SMO: variants seen among roughly 807,000 people sequenced by gnomAD.
SMO encodes smoothened, frizzled class receptor, also known as protein smoothened.
A neutral mutation model predicts 81.6 loss-of-function variants in SMO; 40 were observed. The ratio of observed to expected loss-of-function variants is 0.49; its 90% CI spans 0.38 to 0.64. The LOEUF is 0.64. Ranked by LOEUF, SMO falls within the 30% of genes least tolerant of loss-of-function variation. The pLI, the probability that SMO is intolerant of heterozygous loss-of-function variation, is 0.00. For synonymous variants in SMO, 434 were observed against 432.1 expected (o/e 1.00, Z -0.05); for missense variants, 916 against 1,061.1 (o/e 0.86, Z 1.90).
rs2150657171 is a variant in SMO at position 129,212,356 on chromosome 7, G to C, written c.2269G>C (p.Ala757Pro). ...TCTGCCCAGTGCACCGGCCCCCGTG[G>C]CATGGGCTCATGGCCGCCGACAGGG... ...PFLPSAPAPV[A>P]WAHGRRQGLG... The change falls in exon 12 of 12, where the codon GCA becomes CCA. Residue 757 changes from alanine to proline, a missense_variant. By Grantham distance (27) the Ala-to-Pro change is conservative. Transcript: ENST00000249373. The surrounding 1 kb of genome is among the most constrained non-coding windows in gnomAD (Gnocchi z 5.0). The C allele has an allele frequency of 6.2e-7, 1 of 1,614,132 alleles. No homozygotes were observed. Among genetic ancestry groups the C allele is most frequent in the South Asian group, 1.1e-5 (1 of 91,090 alleles).
chr7:129,205,613 A>G lies in SMO; in HGVS notation c.751A>G (p.Thr251Ala). 6.2e-7 allele frequency: 1 copy of G among 1,613,376 alleles called. No individual in the cohort carries two copies. The highest frequency in any genetic ancestry group is 8.5e-7 in the Non-Finnish European group (1 of 1,179,320). Reference sequence around the variant, plus strand: ...ATGGCCCACTTCTCTCTTCTAGGCCACATTCGTGGCTGACTGGCGGAACTC... The same window carrying G: ...ATGGCCCACTTCTCTCTTCTAGGCCGCATTCGTGGCTGACTGGCGGAACTC... ...TGLCTLFTLA[T>A]FVADWRNSNR... Residue 251 changes from threonine to alanine, a missense_variant, in exon 4 of 12, where the codon ACA becomes GCA. Physicochemically the swap from Thr to Ala is moderately conservative, Grantham distance 58. Around this residue, in one of 4 missense-constraint regions of SMO, gnomAD observed 436 missense variants for 570.9 expected, o/e 0.76. Transcript: ENST00000249373.
In SMO at chr7:129,188,694, G is replaced by C. The variant is rs556077125; in HGVS notation, c.-458G>C. On this transcript the variant is annotated 5_prime_UTR_variant, in exon 1 of 12. Transcript: ENST00000249373. This position sits in a 1 kb window ranked among gnomAD's most constrained non-coding sequence, Gnocchi z 4.9. ...GCCGGGTCGCCGGCGGGGAGAGTTC[G>C]GGGGGCTGCGGCGCGCTGGGGCGAA... Among the ~76,000 whole-genome samples the C allele has an allele frequency of 9.7e-4, 148 of 152,182 alleles. 3 individuals carry two copies. Among genetic ancestry groups the C allele is most frequent in the Admixed American group, 8.0e-3 (122 of 15,306 alleles).
In SMO at chr7:129,208,843, T is replaced by G; in HGVS notation, c.1349T>G (p.Leu450Arg). 1 of 1,612,898 alleles carries G rather than the reference T, an allele frequency of 6.2e-7. No homozygotes were observed. Among genetic ancestry groups the G allele is most frequent in the Non-Finnish European group, 8.5e-7 (1 of 1,179,134 alleles). ...GCCAGCAAGATCAACGAGACCATGC[T>G]GCGCCTGGGTGAGTGGCCCCGGGGG... ...KAASKINETM[L>R]RLGIFGFLAF... Residue 450 changes from leucine (L) to arginine (R), a missense_variant, in exon 7 of 12, where the codon CTG becomes CGG. Leu to Arg is a moderately radical substitution (Grantham distance 102). Coordinates refer to ENST00000249373, the MANE Select transcript of SMO (RefSeq NM_005631.5). The surrounding 1 kb of genome is among the most constrained non-coding windows in gnomAD (Gnocchi z 5.2).
Position 129,188,820 on chromosome 7 carries a change from T to G in SMO, c.-332T>G. The G allele has an allele frequency of 4.5e-6, 1 of 222,200 alleles. No individual in the cohort carries two copies. The highest frequency in any genetic ancestry group is 9.0e-6 in the Non-Finnish European group (1 of 111,616). The allele number at this position is 222,200 out of a possible 1,614,324, so 13.8% of individuals were successfully genotyped here. On this transcript the variant is annotated 5_prime_UTR_variant, in exon 1 of 12. Coordinates refer to ENST00000249373, the MANE Select transcript of SMO (RefSeq NM_005631.5). The surrounding 1 kb of genome is among the most constrained non-coding windows in gnomAD (Gnocchi z 4.9). ...CCCTCGCGGGGCGGGGAGGTGGCTTTAATGGTGGGAGAGGGAATGGGGCTG... is the reference window on the plus strand; with the variant it reads ...CCCTCGCGGGGCGGGGAGGTGGCTTGAATGGTGGGAGAGGGAATGGGGCTG...
At chr7:129,209,442 A>C in intron 8 of SMO, 45 bp downstream of exon 8, 1 of 1,349,326 alleles carries the variant, frequency 7.4e-7, no homozygotes, top group Non-Finnish European at 1.1e-6. Flanking sequence ...GCTGGAGCCA[A>C]GGCCATAAAG....
At position 129,210,474 on chromosome 7, in the gene SMO, T is replaced by A. The variant is rs760245355; in HGVS notation, c.1578T>A (p.Phe526Leu). The A allele has an allele frequency of 6.2e-7, 1 of 1,614,130 alleles. No individual in the cohort carries two copies. The highest frequency in any genetic ancestry group is 8.5e-7 in the Non-Finnish European group (1 of 1,179,962). ...LVEKINLFAM[F>L]GTGIAMSTWV... is the part of the protein sequence containing the mutation. ...AGAAGATCAACCTGTTTGCCATGTT[T>A]GGAACTGGCATCGCCATGAGCACCT... is the stretch of plus-strand genomic sequence containing the variant. The change falls in exon 9 of 12, where the codon TTT becomes TTA. Residue 526 changes from phenylalanine to leucine, a missense_variant. Phe to Leu is a conservative substitution (Grantham distance 22). Transcript: ENST00000249373. The surrounding 1 kb of genome is among the most constrained non-coding windows in gnomAD (Gnocchi z 4.7).
At position 129,193,785 on chromosome 7, in the gene SMO, A is replaced by AATATATATATATATAT; in HGVS notation, c.331+4320_331+4335dup. On this transcript the variant is annotated intron_variant, in intron 1 of 11. Coordinates refer to ENST00000249373, the MANE Select transcript of SMO (RefSeq NM_005631.5). ...AAAAAAAAAAAAAAAAAAAAAAAAAAATATATATATATATATATATATATA... is the reference window on the plus strand; with the variant it reads ...AAAAAAAAAAAAAAAAAAAAAAAAAAATATATATATATATATATATATATATATATATATATATATA... Among the ~76,000 whole-genome samples the AATATATATATATATAT allele has an allele frequency of 4.2e-4, 11 of 26,354 alleles. 1 individual carries two copies. The highest frequency in any genetic ancestry group is 1.6e-3 in the Admixed American group (2 of 1,282). The allele number at this position is 26,354 out of a possible 152,430, so 17.3% of individuals were successfully genotyped here.
At chr7:129,194,015 G>C (rs142652343) in intron 1 of SMO, among the ~76,000 whole-genome samples, 1 of 150,192 alleles carries the variant, frequency 6.7e-6, no homozygotes. Flanking sequence ...CAAAAGGATC[G>C]CTTGAACCCA....
intron 2 of SMO, among the ~76,000 whole-genome samples, chr7:129,203,903 T>C (rs1166985968): frequency 1.3e-5 from 2 of 151,536 alleles, no homozygotes; most frequent in African/African-American, 4.9e-5. Flanking sequence ...ATGTTGGGAG[T>C]TAAGGCGCGA....
Position 129,208,859 on chromosome 7 carries a change from G to A in SMO, c.1357+8G>A. On this transcript the variant is annotated splice_region_variant and intron_variant, in intron 7 of 11. Coordinates refer to ENST00000249373, the MANE Select transcript of SMO (RefSeq NM_005631.5). The surrounding 1 kb of genome is among the most constrained non-coding windows in gnomAD (Gnocchi z 5.2). ...AGACCATGCTGCGCCTGGGTGAGTG[G>A]CCCCGGGGGACTTCGGTCTGAGGTC... is the stretch of plus-strand genomic sequence containing the variant. 1.9e-6 allele frequency: 3 copies of A among 1,607,180 alleles called. No homozygotes were observed. Among genetic ancestry groups the A allele is most frequent in the Non-Finnish European group, 8.5e-7 (1 of 1,174,536 alleles).
intron 4 of SMO, 77 bp downstream of exon 4, chr7:129,205,859 T>A: frequency 7.0e-7 from 1 of 1,429,316 alleles, no homozygotes; most frequent in Non-Finnish European, 9.6e-7. Context: ...AGGGAGCAGG[T>A]GCGTGTAAAA....
chr7:129,203,319 G>C (rs1793699584), intron 1 of SMO, 65 bp from the exon 2 acceptor site: 1 of 1,254,756 alleles, frequency 8.0e-7, no homozygotes, highest in Admixed American at 2.0e-5. Flanking sequence ...GAGGACAGGG[G>C]TGAAGCTGCG....
chr7:129,189,625 T>C lies in SMO; in HGVS notation c.331+143T>C, dbSNP rs994008867. The C allele has an allele frequency of 3.4e-5, 31 of 911,722 alleles. No individual in the cohort carries two copies. Among genetic ancestry groups the C allele is most frequent in the Non-Finnish European group, 5.0e-5 (31 of 619,112 alleles). 56.5% of individuals were successfully genotyped at this position (911,722 alleles called of 1,614,324 possible). On this transcript the variant is annotated intron_variant, in intron 1 of 11. Coordinates refer to ENST00000249373, the MANE Select transcript of SMO (RefSeq NM_005631.5). The surrounding 1 kb of genome is among the most constrained non-coding windows in gnomAD (Gnocchi z 4.7). ...AGTTGGAGGGACAGATCCCGAAACT[T>C]TGGGGGCAGGTTACGTGCAGGATGG...
intron 1 of SMO, among the ~76,000 whole-genome samples, chr7:129,201,907 C>G (rs1398298455): frequency 6.6e-6 from 1 of 152,118 alleles, no homozygotes; most frequent in Non-Finnish European, 1.5e-5. Context: ...TCTTGAACTC[C>G]TAGCCTCAGG....
In SMO at chr7:129,206,510, A is replaced by C. The variant is rs1203228554; in HGVS notation, c.1187A>C (p.Asn396Thr). 1.2e-6 allele frequency: 2 copies of C among 1,614,170 alleles called. No individual in the cohort carries two copies. The highest frequency in any genetic ancestry group is 1.7e-6 in the Non-Finnish European group (2 of 1,180,018). ...GGGATTTGTTTTGTGGGCTACAAGA[A>C]CTACCGATACCGTGCGGGCTTCGTG... ...VSGICFVGYK[N>T]YRYRAGFVLA... Residue 396 changes from asparagine (N) to threonine (T), a missense_variant, in exon 6 of 12, where the codon AAC becomes ACC. Physicochemically the swap from Asn to Thr is moderately conservative, Grantham distance 65. This residue lies in a region of SMO where 436 missense variants were observed against 570.9 expected (regional missense o/e 0.76). Transcript: ENST00000249373. This position sits in a 1 kb window ranked among gnomAD's most constrained non-coding sequence, Gnocchi z 4.4.
In SMO at chr7:129,210,539, C is replaced by G. The variant is rs1226100694; in HGVS notation, c.1643C>G (p.Thr548Ser). 1 of 1,613,508 alleles carries G rather than the reference C, an allele frequency of 6.2e-7. No individual in the cohort carries two copies. The highest frequency in any genetic ancestry group is 1.1e-5 in the South Asian group (1 of 91,066). Residue 548 changes from threonine (T) to serine (S), a missense_variant, in exon 9 of 12, where the codon ACC becomes AGC. Coordinates refer to ENST00000249373, the MANE Select transcript of SMO (RefSeq NM_005631.5). The surrounding 1 kb of genome is among the most constrained non-coding windows in gnomAD (Gnocchi z 4.7). ...GCCACGCTGCTCATCTGGAGGCGTA[C>G]CTGGTGCAGGTGGGCATGGCAGCCA... ...TKATLLIWRR[T>S]WCRLTGQSDD...
chr7:129,205,248 G>A lies in SMO; in HGVS notation c.583G>A (p.Val195Met), dbSNP rs138284001. The change falls in exon 3 of 12, where the codon GTG becomes ATG. Residue 195 changes from valine to methionine, a missense_variant. Physicochemically the swap from Val to Met is conservative, Grantham distance 21. This residue lies in a region of SMO where 436 missense variants were observed against 570.9 expected (regional missense o/e 0.76). Transcript: ENST00000249373. ...IKFNSSGQCE[V>M]PLVRTDNPKS... The stretch of plus-strand genomic sequence containing the variant: ...GTTCAACAGTTCAGGCCAGTGCGAA[G>A]TGCCCTTGGTTCGGACAGACAACCC... 4.0e-5 allele frequency: 65 copies of A among 1,614,236 alleles called. No homozygotes were observed. The African/African-American group carries it at 7.9e-4, about 20-fold the overall frequency.
At chr7:129,195,728 A>G (rs1385864102) in intron 1 of SMO, among the ~76,000 whole-genome samples, 5 of 152,190 alleles carry the variant, frequency 3.3e-5, no homozygotes, top group African/African-American at 1.2e-4. Flanking sequence ...AAGTGATTAT[A>G]AGCATTGACA....
rs114406835 is a variant in SMO, at chr7:129,211,081, G to C, written c.1769G>C (p.Ser590Thr). ...LQNPGQELSFSMHTVSHDGPV... is the reference protein window; with the variant it reads ...LQNPGQELSFTMHTVSHDGPV... ...AACCCAGGCCAGGAGCTGTCCTTCAGCATGCACACTGTGTCCCACGACGGG... is the reference window on the plus strand; with the variant it reads ...AACCCAGGCCAGGAGCTGTCCTTCACCATGCACACTGTGTCCCACGACGGG... The change falls in exon 10 of 12, where the codon AGC (serine) becomes ACC (threonine). Residue 590 changes from serine to threonine, a missense_variant. Physicochemically the swap from Ser to Thr is moderately conservative, Grantham distance 58. This residue lies in a region of SMO where 324 missense variants were observed against 312.9 expected (regional missense o/e 1.04). Coordinates refer to ENST00000249373, the MANE Select transcript of SMO (RefSeq NM_005631.5). The surrounding 1 kb of genome is among the most constrained non-coding windows in gnomAD (Gnocchi z 4.6). 70 of 1,613,294 alleles carry C rather than the reference G, an allele frequency of 4.3e-5. No individual in the cohort carries two copies. In the East Asian group the frequency reaches 5.8e-4, roughly 13 times the overall value.
Sources: gnomAD v4.1 joint callset for allele counts (sites outside exome capture counted in the v4.1 genomes callset) on GRCh38, gnomAD v4.1.1 for gene constraint, gnomAD v4.1.1 regional missense constraint, Gnocchi (gnomAD v3.1) non-coding constraint, MANE v1.5 for transcripts, NCBI Gene and HGNC (gene_info 2026-07-23, HGNC 2026-07-21) for gene names.